Variants in MFN2 observed in about 807,000 individuals in gnomAD.
The protein encoded by MFN2 is mitofusin-2.
MFN2 carries 43 observed loss-of-function variants against 87.5 expected under a neutral mutation model. That is an observed-to-expected ratio of 0.49 (90% confidence interval 0.38 to 0.63). The LOEUF (loss-of-function observed/expected upper bound fraction) is 0.63. MFN2 is among the 30% of genes least tolerant of loss of function. The probability of loss-of-function intolerance (pLI) is 0.00; values close to 1 mark genes in which losing one functional copy is unlikely to be tolerated. For synonymous variants in MFN2, 337 were observed against 359.9 expected (o/e 0.94, Z 0.72); for missense variants, 743 against 972.8 (o/e 0.76, Z 3.14).
intron 1 of MFN2, among the ~76,000 whole-genome samples, chr1:11,981,298 A>G (rs1373621315): frequency 1.3e-5 from 2 of 152,314 alleles, no homozygotes; most frequent in Admixed American, 6.5e-5. Flanking sequence ...TGAGGTCAGG[A>G]GTTGGAGACC....
At position 11,999,092 on chromosome 1, in the gene MFN2, G is replaced by A. The variant is rs777689961; in HGVS notation, c.813G>A (p.Glu271=). The change falls in exon 8 of 19, where the codon GAG becomes GAA. Residue 271 remains glutamate (E), a synonymous_variant. Transcript: ENST00000235329. ...CTGCCTCAGAGCCCGAGTACATGGA[G>A]GAGGTTCGTGCTTCTGTTTGGCAGT... ...DASASEPEYM[E]EVRRQHMERC... The A allele has an allele frequency of 6.2e-7, 1 of 1,614,078 alleles. No individual in the cohort carries two copies. The highest frequency in any genetic ancestry group is 8.5e-7 in the Non-Finnish European group (1 of 1,179,924).
intron 2 of MFN2, among the ~76,000 whole-genome samples, chr1:11,988,084 TTGTG>T (rs112373136): frequency 6.9e-6 from 1 of 144,230 alleles, no homozygotes; most frequent in African/African-American, 2.5e-5. Context: ...CCAATAGTTT[TTGTG>T]TGTGTGTGTG....
At chr1:11,984,948 C>T (rs1248309480) in intron 2 of MFN2, among the ~76,000 whole-genome samples, 1 of 152,226 alleles carries the variant, frequency 6.6e-6, no homozygotes, top group Non-Finnish European at 1.5e-5. Flanking sequence ...GCTAGGTAGG[C>T]TGCTCCATCA....
chr1:12,006,460 A>G, intron 15 of MFN2, 78 bp from the exon 16 acceptor site: 1 of 1,572,870 alleles, frequency 6.4e-7, no homozygotes, highest in Non-Finnish European at 8.7e-7. Flanking sequence ...TGTTCCCCAG[A>G]CTAGGGCAAC....
chr1:12,006,718 A>C, intron 16 of MFN2, 25 bp downstream of exon 16: 1 of 1,219,344 alleles, frequency 8.2e-7, no homozygotes, highest in Non-Finnish European at 1.1e-6. Flanking sequence ...CTGCTCGGGA[A>C]GGTGGGGGCG....
intron 11 of MFN2, 24 bp downstream of exon 11, chr1:12,002,127 G>T: frequency 6.2e-7 from 1 of 1,614,030 alleles, no homozygotes; most frequent in South Asian, 1.1e-5. Context: ...ACTGCAGATA[G>T]GTGGAGAGAG....
chr1:12,011,631 T>C lies in MFN2; in HGVS notation c.*66T>C. On this transcript the variant is annotated 3_prime_UTR_variant, in exon 19 of 19. Transcript: ENST00000235329. The stretch of plus-strand genomic sequence containing the variant: ...TGCCAGCCCTAAGTGCCATGTGGGC[T>C]CCCCCAGGGGCACGTGTGGCTCCTG... 6.4e-7 allele frequency: 1 copy of C among 1,554,538 alleles called. No homozygotes were observed. Among genetic ancestry groups the C allele is most frequent in the Non-Finnish European group, 8.9e-7 (1 of 1,128,524 alleles).
chr1:11,996,197 G>A lies in MFN2; in HGVS notation c.353G>A (p.Trp118Ter). Residue 118 changes from tryptophan to a stop codon, truncating the protein, a stop_gained, in exon 5 of 19, where the codon TGG becomes TAG. Transcript: ENST00000235329. LOFTEE classifies it high-confidence loss of function. ...GKSTVINAML[W>*]DKVLPSGIGH... The stretch of plus-strand genomic sequence containing the variant: ...AGCACCGTGATCAATGCCATGCTCT[G>A]GGACAAAGTTCTGCCCTCTGGGATT... 1 of 1,614,208 alleles carries A rather than the reference G, an allele frequency of 6.2e-7. No individual in the cohort carries two copies. Among genetic ancestry groups the A allele is most frequent in the Non-Finnish European group, 8.5e-7 (1 of 1,180,024 alleles).
chr1:11,996,066 G>A (rs1638894416), intron 4 of MFN2, 90 bp from the exon 5 acceptor site: 1 of 1,541,294 alleles, frequency 6.5e-7, no homozygotes, highest in Non-Finnish European at 9.0e-7. Context: ...CACTGAATAG[G>A]GCTTTGGCCT....
In MFN2 at chr1:11,997,344, T is replaced by C. The variant is rs762789747; in HGVS notation, c.522T>C (p.His174=). The C allele has an allele frequency of 7.2e-5, 117 of 1,614,064 alleles. No individual in the cohort carries two copies. Among genetic ancestry groups the C allele is most frequent in the Non-Finnish European group, 9.3e-5 (110 of 1,180,040 alleles). Residue 174 remains histidine, a synonymous_variant, in exon 6 of 19, where the codon CAT becomes CAC. Coordinates refer to ENST00000235329, the MANE Select transcript of MFN2 (RefSeq NM_014874.4). ...CCCTCCACCAGGACAAGCAGCTCCA[T>C]GCCGGCAGCCTAGTGAGTGTGATGT... ...AHALHQDKQL[H]AGSLVSVMWP...
intron 17 of MFN2, 68 bp downstream of exon 17, chr1:12,007,317 C>T: frequency 6.4e-7 from 1 of 1,559,684 alleles, no homozygotes; most frequent in Non-Finnish European, 8.7e-7. Context: ...CTCCCTTCCC[C>T]ATCTCTCTTC....
chr1:12,011,348 T>C, intron 18 of MFN2, 148 bp from the exon 19 acceptor site: 1 of 846,916 alleles, frequency 1.2e-6, no homozygotes, highest in Non-Finnish European at 2.0e-6. Context: ...GGGCCTCCTT[T>C]TCCCCATCTG....
At chr1:11,982,551 T>C (rs1386281049) in intron 2 of MFN2, 3 of 152,270 alleles carry the variant, frequency 2.0e-5, no homozygotes, top group Admixed American at 1.3e-4. Flanking sequence ...CGTGGATCCA[T>C]TTTATTTTCC....
chr1:12,007,112 C>G lies in MFN2; in HGVS notation c.1932C>G (p.Leu644=), dbSNP rs780395516. ...IALSFGLYGL[L]YVYERLTWTT... The stretch of plus-strand genomic sequence containing the variant: ...TCTCCTTTGGGCTCTATGGCCTCCT[C>G]TACGTCTATGAGCGTCTGACCTGGA... Residue 644 remains leucine (L), a synonymous_variant, in exon 17 of 19, where the codon CTC becomes CTG. Coordinates refer to ENST00000235329, the MANE Select transcript of MFN2 (RefSeq NM_014874.4). The G allele has an allele frequency of 6.2e-7, 1 of 1,614,216 alleles. No homozygotes were observed. Among genetic ancestry groups the G allele is most frequent in the Non-Finnish European group, 8.5e-7 (1 of 1,180,042 alleles).
chr1:12,008,182 C>G (rs1464131723), intron 17 of MFN2, among the ~76,000 whole-genome samples: 1 of 152,254 alleles, frequency 6.6e-6, no homozygotes, highest in African/African-American at 2.4e-5. Flanking sequence ...TCTGATTTCT[C>G]TATCTTTTCC....
chr1:11,988,879 T>C (rs1052138532), intron 2 of MFN2, among the ~76,000 whole-genome samples: 7 of 152,022 alleles, frequency 4.6e-5, no homozygotes, highest in Non-Finnish European at 1.0e-4. Flanking sequence ...TACTGTATTT[T>C]TAGTAGAGAC....
At chr1:12,009,523 G>A in intron 17 of MFN2, 69 bp from the exon 18 acceptor site, 2 of 1,607,928 alleles carry the variant, frequency 1.2e-6, no homozygotes, top group Admixed American at 3.3e-5. Flanking sequence ...CCCTACTGTG[G>A]GTGGGCTAAG....
At chr1:11,987,487 G>A (rs1297114722) in intron 2 of MFN2, among the ~76,000 whole-genome samples, 3 of 151,790 alleles carry the variant, frequency 2.0e-5, no homozygotes, top group Non-Finnish European at 2.9e-5. Flanking sequence ...AAAATTAGCC[G>A]GGCATGGTGG....
intron 14 of MFN2, 74 bp downstream of exon 14, chr1:12,005,001 G>T: frequency 8.5e-7 from 1 of 1,182,000 alleles, no homozygotes; most frequent in East Asian, 2.5e-5. Flanking sequence ...CCAAGCTAAA[G>T]AAATCAGGAC....
Sources: gnomAD v4.1 joint callset for allele counts (sites outside exome capture counted in the v4.1 genomes callset) on GRCh38, gnomAD v4.1.1 for gene constraint, MANE v1.5 for transcripts, NCBI Gene and HGNC (gene_info 2026-07-23, HGNC 2026-07-21) for gene names.